Variants in KLF12 observed in about 807,000 individuals in gnomAD.
KLF12 encodes KLF transcription factor 12, also known as Krueppel-like factor 12.
A neutral mutation model predicts 37.8 loss-of-function variants in KLF12; 9 were observed. That is an observed-to-expected ratio of 0.24 (90% confidence interval 0.14 to 0.42). KLF12 has a LOEUF of 0.42. Ranked by LOEUF, KLF12 falls within the 10% of genes least tolerant of loss-of-function variation. The pLI is 1.00. For missense variants in KLF12, 411 were observed against 516.0 expected (o/e 0.80, Z 1.97); for synonymous variants, 208 against 202.1 (o/e 1.03, Z -0.25).
chr13:74,295,901 C>A, the KLF12 span, among the ~76,000 whole-genome samples: 3 of 152,112 alleles, frequency 2.0e-5, no homozygotes, highest in African/African-American at 7.2e-5. Flanking sequence ...GCAACCTCCA[C>A]CTCCCAGGCT....
chr13:73,738,124 T>TATATAC (rs1305200790), intron 6 of KLF12, among the ~76,000 whole-genome samples: 66 of 81,888 alleles, frequency 8.1e-4, no homozygotes, highest in East Asian at 4.3e-3. Context: ...TATATATATA[T>TATATAC]ACACACACAC....
In KLF12 at chr13:73,889,229, A is replaced by ATG. The variant is rs138930809; in HGVS notation, c.124-42857_124-42856insCA. Among the ~76,000 whole-genome samples, 1,396 of 152,348 alleles carry ATG rather than the reference A, an allele frequency of 9.2e-3. 24 individuals are homozygous for ATG. The highest frequency in any genetic ancestry group is 0.032 in the African/African-American group (1,326 of 41,584). On this transcript the variant is annotated intron_variant, in intron 3 of 7. Coordinates refer to ENST00000377669, the MANE Select transcript of KLF12 (RefSeq NM_007249.5). The stretch of plus-strand genomic sequence containing the variant: ...CATATAAGATATTTAACATTTATAT[A>ATG]CAAAATGTCTATATAAAATATGCAT...
At chr13:73,947,931 G>A (rs1890502913) in intron 2 of KLF12, among the ~76,000 whole-genome samples, 1 of 152,126 alleles carries the variant, frequency 6.6e-6, no homozygotes, top group South Asian at 2.1e-4. Flanking sequence ...TGCACAAATG[G>A]AGTAATAAGG....
At chr13:73,824,060 T>C (rs959102979) in intron 4 of KLF12, among the ~76,000 whole-genome samples, 8 of 152,138 alleles carry the variant, frequency 5.3e-5, no homozygotes, top group African/African-American at 1.9e-4. Flanking sequence ...TGGACACATT[T>C]GTCCCTACAC....
At chr13:73,966,451 G>C (rs1010485520) in intron 2 of KLF12, among the ~76,000 whole-genome samples, 1 of 152,152 alleles carries the variant, frequency 6.6e-6, no homozygotes, top group Admixed American at 6.5e-5. Context: ...GGAAGGATTA[G>C]GAACAAGTGT....
intron 5 of KLF12, among the ~76,000 whole-genome samples, chr13:73,808,635 TA>T (rs1434594429): frequency 6.6e-6 from 1 of 152,158 alleles, no homozygotes; most frequent in East Asian, 1.9e-4. Flanking sequence ...AAGTTCATTT[TA>T]AAAACCAGCA....
At chr13:74,071,640 C>T (rs1333981692) in intron 1 of KLF12, among the ~76,000 whole-genome samples, 2 of 152,122 alleles carry the variant, frequency 1.3e-5, no homozygotes, top group African/African-American at 2.4e-5. Context: ...TTGCAGTGAG[C>T]CAAGATCGCA....
intron 3 of KLF12, among the ~76,000 whole-genome samples, chr13:73,874,054 T>C (rs1886593442): frequency 6.6e-6 from 1 of 152,220 alleles, no homozygotes; most frequent in African/African-American, 2.4e-5. Flanking sequence ...GGTCGAGGAC[T>C]GTTCACAGGG....
At chr13:74,087,235 A>C (rs1875363240) in intron 1 of KLF12, among the ~76,000 whole-genome samples, 1 of 152,220 alleles carries the variant, frequency 6.6e-6, no homozygotes, top group Non-Finnish European at 1.5e-5. Context: ...AACACAAGGG[A>C]CAAGAAGCTC....
intron 2 of KLF12, among the ~76,000 whole-genome samples, chr13:73,954,262 C>T (rs988468842): frequency 1.8e-4 from 27 of 152,118 alleles, no homozygotes; most frequent in African/African-American, 6.0e-4. Context: ...ACAGACGAAA[C>T]CCACCGCACC....
chr13:74,043,475 G>A (rs1223619778), intron 1 of KLF12, among the ~76,000 whole-genome samples: 8 of 152,154 alleles, frequency 5.3e-5, no homozygotes, highest in Non-Finnish European at 1.2e-4. Context: ...GTGCGTGCAT[G>A]TTTCTGTGTG....
chr13:73,959,448 T>C (rs1890952077), intron 2 of KLF12, among the ~76,000 whole-genome samples: 1 of 151,786 alleles, frequency 6.6e-6, no homozygotes, highest in Admixed American at 6.6e-5. Context: ...TTGTTGATGC[T>C]AGATAAAATG....
intron 1 of KLF12, among the ~76,000 whole-genome samples, chr13:74,090,836 C>T (rs6562794): frequency 0.99 from 150,384 of 151,928 alleles, 74,451 homozygotes; most frequent in Middle Eastern, 1. Flanking sequence ...ACAAAACTTT[C>T]AATTTTGATA....
chr13:74,047,657 G>A (rs1307884214), intron 1 of KLF12, among the ~76,000 whole-genome samples: 1 of 150,676 alleles, frequency 6.6e-6, no homozygotes, highest in Admixed American at 6.6e-5. Context: ...CTGTATTGCT[G>A]CCACATTTTG....
chr13:74,139,159 C>T, the KLF12 span, among the ~76,000 whole-genome samples: 6 of 152,322 alleles, frequency 3.9e-5, no homozygotes, highest in East Asian at 3.9e-4. Context: ...TGCTTACCTG[C>T]GCCAATGGGA....
intron 1 of KLF12, among the ~76,000 whole-genome samples, chr13:74,107,110 T>TG (rs138423342): frequency 0.17 from 25,613 of 152,106 alleles, 2,334 homozygotes; most frequent in African/African-American, 0.22. Flanking sequence ...GGAAGGGATG[T>TG]GGGGGGCTAG....
At chr13:74,231,610 A>T in the KLF12 span, 2 of 152,154 alleles carry the variant, frequency 1.3e-5, no homozygotes, top group Non-Finnish European at 2.9e-5. Flanking sequence ...CAACATATAC[A>T]ACATAATGTA....
the KLF12 span, among the ~76,000 whole-genome samples, chr13:74,253,771 CCAAA>C: frequency 6.6e-6 from 1 of 152,132 alleles, no homozygotes; most frequent in Non-Finnish European, 1.5e-5. Flanking sequence ...TGTACTACCA[CCAAA>C]CAAACAAGCA....
intron 3 of KLF12, among the ~76,000 whole-genome samples, chr13:73,903,587 G>A (rs1028689918): frequency 3.3e-5 from 5 of 152,078 alleles, no homozygotes; most frequent in African/African-American, 4.8e-5. Context: ...AAGGTAGATC[G>A]CCTAAATTTT....
Sources: allele counts gnomAD v4.1 joint callset (sites outside exome capture counted in the v4.1 genomes callset), GRCh38; gene constraint gnomAD v4.1.1; transcripts MANE v1.5; gene names NCBI Gene and HGNC (gene_info 2026-07-23, HGNC 2026-07-21).